Variants in SYNE2 observed in about 807,000 individuals in gnomAD.
SYNE2 encodes the protein nesprin-2.
In SYNE2, 431 loss-of-function variants were observed where a neutral mutation model predicts 856.3. That is an observed-to-expected ratio of 0.50 (90% CI 0.47 to 0.55). The LOEUF (loss-of-function observed/expected upper bound fraction) is 0.55, where lower values mean the gene tolerates loss of function less well. Ranked by LOEUF, SYNE2 falls within the 20% of genes least tolerant of loss-of-function variation. The pLI is 0.00. For missense variants in SYNE2, 8,129 were observed against 8,023.2 expected (o/e 1.01, Z -0.50); for synonymous variants, 2,923 against 2,872.3 (o/e 1.02, Z -0.56).
chr14:63,993,739 A>G, intron 21 of SYNE2, 96 bp from the exon 22 acceptor site: 1 of 1,089,682 alleles, frequency 9.2e-7, no homozygotes, highest in South Asian at 1.4e-5. Flanking sequence ...CCACTTTACC[A>G]GTTAAAGACA....
In SYNE2 at chr14:64,140,027, T is replaced by C; in HGVS notation, c.14930T>C (p.Val4977Ala). The change falls in exon 80 of 116, where the codon GTG becomes GCG. Residue 4977 changes from valine (V) to alanine (A), a missense_variant. Transcript: ENST00000555002. ...LNYWKEQSLN[V>A]SQDLDTIRSN... ...TACTGGAAAGAACAGTCCCTCAATGTGTCTCAGGACTTGGATACAATCAGA... is the reference window on the plus strand; with the variant it reads ...TACTGGAAAGAACAGTCCCTCAATGCGTCTCAGGACTTGGATACAATCAGA... 1 of 1,614,040 alleles carries C rather than the reference T, an allele frequency of 6.2e-7. No homozygotes were observed. The highest frequency in any genetic ancestry group is 8.5e-7 in the Non-Finnish European group (1 of 1,179,944).
intron 1 of SYNE2, among the ~76,000 whole-genome samples, chr14:63,879,272 A>G (rs1318763783): frequency 6.6e-6 from 1 of 152,186 alleles, no homozygotes; most frequent in Admixed American, 6.5e-5. Flanking sequence ...TTGTTTTTGT[A>G]GAGAATGACT....
At chr14:64,178,459 T>C (rs1425452761) in intron 96 of SYNE2, among the ~76,000 whole-genome samples, 1 of 152,212 alleles carries the variant, frequency 6.6e-6, no homozygotes, top group African/African-American at 2.4e-5. Flanking sequence ...CAGTGTTGTT[T>C]GTTCGTTTGT....
chr14:63,997,750 T>C (rs1234357024), intron 25 of SYNE2, among the ~76,000 whole-genome samples: 1 of 152,230 alleles, frequency 6.6e-6, no homozygotes, highest in Non-Finnish European at 1.5e-5. Context: ...TCATTTATCA[T>C]TTGCCTTTTC....
intron 10 of SYNE2, among the ~76,000 whole-genome samples, chr14:63,965,205 C>T (rs1406925636): frequency 2.0e-5 from 3 of 152,050 alleles, no homozygotes; most frequent in South Asian, 2.1e-4. Flanking sequence ...TCAAGTGATT[C>T]GCCCACCTCA....
rs138451865 is a variant in SYNE2, at chr14:63,917,178, G to A, written c.79+7951G>A. On this transcript the variant is annotated intron_variant, in intron 2 of 115. Coordinates refer to ENST00000555002, the MANE Select transcript of SYNE2 (RefSeq NM_182914.3). ...TAAAGTCCCCAGTGTGGGATTTTGA[G>A]GTTAATGATTAATGAAGAGTAAGAA... 6.7e-3 allele frequency among the ~76,000 whole-genome samples: 1,013 copies of A among 152,200 alleles called. 18 individuals are homozygous for A. The highest frequency in any genetic ancestry group is 0.023 in the African/African-American group (963 of 41,522).
At chr14:63,832,752 G>A (rs1319897869) in intron 1 of SYNE2, among the ~76,000 whole-genome samples, 2 of 151,414 alleles carry the variant, frequency 1.3e-5, no homozygotes, top group Non-Finnish European at 2.9e-5. Context: ...ATGCAGACCG[G>A]GTGCCATGGC....
intron 9 of SYNE2, among the ~76,000 whole-genome samples, chr14:63,962,045 T>C (rs1239000143): frequency 1.3e-5 from 2 of 151,668 alleles, no homozygotes; most frequent in African/African-American, 4.8e-5. Context: ...ATTTTTATTT[T>C]TATTTTTGTT....
At chr14:63,921,048 G>C (rs2153377981) in intron 2 of SYNE2, among the ~76,000 whole-genome samples, 1 of 152,288 alleles carries the variant, frequency 6.6e-6, no homozygotes, top group Non-Finnish European at 1.5e-5. Context: ...CTGGGAGGTG[G>C]AAGCTGCAGT....
chr14:63,951,918 T>C (rs1374877234), intron 7 of SYNE2, among the ~76,000 whole-genome samples: 1 of 152,260 alleles, frequency 6.6e-6, no homozygotes, highest in African/African-American at 2.4e-5. Context: ...GTAGAGCTTA[T>C]GCTAAGCTTA....
At chr14:64,081,398 A>G (rs1427381180) in intron 56 of SYNE2, 45 bp from the exon 57 acceptor site, 2 of 1,613,642 alleles carry the variant, frequency 1.2e-6, no homozygotes, top group African/African-American at 1.3e-5. Flanking sequence ...ATTCAGCTCC[A>G]GTAAAAGGCA....
intron 1 of SYNE2, among the ~76,000 whole-genome samples, chr14:63,785,622 A>G (rs766715013): frequency 2.6e-5 from 4 of 152,222 alleles, no homozygotes; most frequent in African/African-American, 7.2e-5. Context: ...GGCATGATCC[A>G]AAAAAGAACC....
intron 8 of SYNE2, among the ~76,000 whole-genome samples, chr14:63,959,753 A>T (rs2096286360): frequency 2.0e-5 from 3 of 146,718 alleles, no homozygotes; most frequent in Admixed American, 6.8e-5. Flanking sequence ...TTTTTCCTTC[A>T]TTTTTCCTCA....
chr14:63,770,169 A>C (rs1461845008), intron 1 of SYNE2, among the ~76,000 whole-genome samples: 6 of 152,050 alleles, frequency 3.9e-5, no homozygotes, highest in African/African-American at 1.4e-4. Context: ...TCATCTCATG[A>C]TGTCTTATTG....
intron 1 of SYNE2, among the ~76,000 whole-genome samples, chr14:63,816,563 A>G (rs1207262033): frequency 6.6e-6 from 1 of 152,070 alleles, no homozygotes; most frequent in Non-Finnish European, 1.5e-5. Flanking sequence ...AAAATCTAGG[A>G]AGAATTTTCT....
rs375617762 is a variant in SYNE2, at chr14:63,918,067, A to G, written c.79+8840A>G. On this transcript the variant is annotated intron_variant, in intron 2 of 115. Transcript: ENST00000555002. ...CCTTATAGAAATAAAAATCCTTTTT[A>G]ATTAGCCCCATGAGATACAAGATTT... Among the ~76,000 whole-genome samples the G allele has an allele frequency of 3.3e-5, 5 of 152,296 alleles. No homozygotes were observed. The East Asian group carries it at 9.7e-4, about 29-fold the overall frequency.
rs762745295 is a variant in SYNE2, at chr14:64,053,590, T to A, written c.9677T>A (p.Val3226Glu). The A allele has an allele frequency of 1.9e-6, 3 of 1,614,036 alleles. No individual in the cohort carries two copies. Among genetic ancestry groups the A allele is most frequent in the Non-Finnish European group, 2.5e-6 (3 of 1,179,992 alleles). ...GAAAACTCTTCTGAAGCGAGTGATG[T>A]GGAGACAAAACTACGTGAGTTTGAA... ...REENSSEASD[V>E]ETKLREFEDL... Residue 3226 changes from valine to glutamate, a missense_variant, in exon 48 of 116, where the codon GTG becomes GAG. Transcript: ENST00000555002.
Position 63,982,674 on chromosome 14 carries a change from T to A in SYNE2, c.1881T>A (p.Thr627=), listed in dbSNP as rs754900406. ...CCCAGTGGAATCTAGAACACGCTAC[T>A]TTAAATGAAGCAGGAAATTTCTTAG... ...TLAQWNLEHA[T]LNEAGNFLVE... is the part of the protein sequence containing the mutation. Residue 627 remains threonine, a synonymous_variant, in exon 17 of 116, where the codon ACT becomes ACA. Transcript: ENST00000555002. 2 of 1,614,174 alleles carry A rather than the reference T, an allele frequency of 1.2e-6. No individual in the cohort carries two copies. The highest frequency in any genetic ancestry group is 1.7e-6 in the Non-Finnish European group (2 of 1,180,010).
At chr14:63,965,513 A>C (rs1350267522) in intron 10 of SYNE2, among the ~76,000 whole-genome samples, 1 of 152,210 alleles carries the variant, frequency 6.6e-6, no homozygotes, top group African/African-American at 2.4e-5. Context: ...AAAGAGACTT[A>C]ATAGGAAACA....
Sources: gnomAD v4.1 joint callset for allele counts (sites outside exome capture counted in the v4.1 genomes callset) on GRCh38, gnomAD v4.1.1 for gene constraint, MANE v1.5 for transcripts, NCBI Gene and HGNC (gene_info 2026-07-23, HGNC 2026-07-21) for gene names.